TPD52: variants seen among roughly 807,000 people sequenced by gnomAD.
TPD52 encodes the protein prostate and colon associated protein.
TPD52 carries 17 observed loss-of-function variants against 31.3 expected under a neutral mutation model. The observed-to-expected ratio is 0.54, with a 90% CI of 0.37 to 0.82. The LOEUF (loss-of-function observed/expected upper bound fraction) is 0.82. TPD52 is among the 40% of genes least tolerant of loss of function. TPD52 has a pLI of 0.00. For synonymous variants in TPD52, 83 were observed against 89.6 expected (o/e 0.93, Z 0.42); for missense variants, 212 against 240.1 (o/e 0.88, Z 0.77).
At chr8:80,070,932 C>T (rs970525663) in intron 1 of TPD52, among the ~76,000 whole-genome samples, 5 of 152,164 alleles carry the variant, frequency 3.3e-5, no homozygotes, top group Admixed American at 2.6e-4. Flanking sequence ...TTAGTGAACT[C>T]TAATCCAATG....
chr8:80,096,016 G>A (rs1816706011), intron 1 of TPD52, among the ~76,000 whole-genome samples: 1 of 152,138 alleles, frequency 6.6e-6, no homozygotes, highest in African/African-American at 2.4e-5. Flanking sequence ...AACACTTTGG[G>A]AGGCCAAAGC....
chr8:80,114,425 A>AT (rs1275930914), intron 1 of TPD52, among the ~76,000 whole-genome samples: 5 of 151,950 alleles, frequency 3.3e-5, no homozygotes, highest in Admixed American at 2.6e-4. Flanking sequence ...AGAAGCAGGA[A>AT]TTTTTTTTCT....
intron 1 of TPD52, among the ~76,000 whole-genome samples, chr8:80,147,159 CTCTT>C (rs1206782841): frequency 6.6e-6 from 1 of 152,028 alleles, no homozygotes; most frequent in Non-Finnish European, 1.5e-5. Flanking sequence ...CTGCACAACT[CTCTT>C]TATCTACACT....
In TPD52 at chr8:80,037,660, A is replaced by T. The variant is rs992957074; in HGVS notation, c.*456T>A. 6.5e-6 allele frequency: 1 copy of T among 152,676 alleles called. No individual in the cohort carries two copies. Among genetic ancestry groups the T allele is most frequent in the African/African-American group, 2.4e-5 (1 of 41,468 alleles). The allele number at this position is 152,676 out of a possible 1,614,324, so 9.5% of individuals were successfully genotyped here. On this transcript the variant is annotated 3_prime_UTR_variant, in exon 8 of 8. Transcript: ENST00000518937. ...CCTTGGAGGTAAAGAAAATACACCC[A>T]AACTTTTAATTACCAGGATTCAGAA...
At chr8:80,039,404 TCTACA>T (rs1195852288) in intron 7 of TPD52, among the ~76,000 whole-genome samples, 1 of 152,096 alleles carries the variant, frequency 6.6e-6, no homozygotes, top group African/African-American at 2.4e-5. Flanking sequence ...TCCAACTTGT[TCTACA>T]TCCAATCAAT....
At chr8:80,123,418 A>G (rs1248873426) in intron 1 of TPD52, among the ~76,000 whole-genome samples, 1 of 152,188 alleles carries the variant, frequency 6.6e-6, no homozygotes. Flanking sequence ...AAGAAAGAGA[A>G]TGTAGGTTTA....
intron 1 of TPD52, among the ~76,000 whole-genome samples, chr8:80,093,525 G>A (rs1340575988): frequency 6.6e-6 from 1 of 152,158 alleles, no homozygotes; most frequent in African/African-American, 2.4e-5. Flanking sequence ...TTAAGGGAAT[G>A]GGAGTTTCTA....
chr8:80,104,816 T>C (rs1432453237), intron 1 of TPD52, among the ~76,000 whole-genome samples: 1 of 152,090 alleles, frequency 6.6e-6, no homozygotes, highest in Non-Finnish European at 1.5e-5. Flanking sequence ...TCCCAGCATT[T>C]TGGAAGGCCA....
chr8:80,151,960 G>T (rs998813789), intron 1 of TPD52, among the ~76,000 whole-genome samples: 1 of 152,144 alleles, frequency 6.6e-6, no homozygotes, highest in Non-Finnish European at 1.5e-5. Flanking sequence ...TGTTAATTGC[G>T]CTTATGTTGA....
At chr8:80,143,066 T>C (rs1446970568) in intron 1 of TPD52, among the ~76,000 whole-genome samples, 1 of 152,212 alleles carries the variant, frequency 6.6e-6, no homozygotes, top group Non-Finnish European at 1.5e-5. Flanking sequence ...GGTCTGGATC[T>C]TGACTCCACT....
At chr8:80,046,715 G>A (rs1047577949) in intron 5 of TPD52, among the ~76,000 whole-genome samples, 1 of 147,056 alleles carries the variant, frequency 6.8e-6, no homozygotes, top group Non-Finnish European at 1.5e-5. Flanking sequence ...AACTAGGAAT[G>A]CAAACATGGG....
chr8:80,125,825 C>CT (rs1375875813), intron 1 of TPD52, among the ~76,000 whole-genome samples: 1 of 152,180 alleles, frequency 6.6e-6, no homozygotes, highest in African/African-American at 2.4e-5. Flanking sequence ...TTGTCAGTCT[C>CT]TAAGGTAACG....
chr8:80,160,846 C>T (rs1252189626), intron 1 of TPD52, among the ~76,000 whole-genome samples: 1 of 140,044 alleles, frequency 7.1e-6, no homozygotes, highest in Non-Finnish European at 1.5e-5. Context: ...GAGTTCGAGA[C>T]CAGCCTGGGA....
chr8:80,050,268 T>C, intron 5 of TPD52, 177 bp downstream of exon 5: 1 of 469,676 alleles, frequency 2.1e-6, no homozygotes, highest in Non-Finnish European at 3.8e-6. Flanking sequence ...CAACTACCCA[T>C]GGTATACAAG....
intron 1 of TPD52, among the ~76,000 whole-genome samples, chr8:80,108,719 C>A (rs977041067): frequency 8.2e-6 from 1 of 122,480 alleles, no homozygotes; most frequent in Non-Finnish European, 1.8e-5. Context: ...CGAGATCATG[C>A]AGAACAAGAA....
chr8:80,128,095 T>C (rs948511114), intron 1 of TPD52, among the ~76,000 whole-genome samples: 11 of 152,146 alleles, frequency 7.2e-5, no homozygotes, highest in African/African-American at 1.7e-4. Context: ...CGCAGTACTA[T>C]AGACTGTCTT....
At chr8:80,089,529 G>A (rs1019183067) in intron 1 of TPD52, among the ~76,000 whole-genome samples, 3 of 152,134 alleles carry the variant, frequency 2.0e-5, no homozygotes, top group African/African-American at 7.2e-5. Flanking sequence ...GATATAAAAT[G>A]TGGGAAACCC....
intron 1 of TPD52, among the ~76,000 whole-genome samples, chr8:80,121,617 C>T (rs1000911905): frequency 1.3e-5 from 2 of 152,168 alleles, no homozygotes; most frequent in Admixed American, 6.5e-5. Context: ...AATATAATTA[C>T]CTCCCACTAA....
At chr8:80,041,452 T>C (rs1810374873) in intron 7 of TPD52, among the ~76,000 whole-genome samples, 1 of 152,186 alleles carries the variant, frequency 6.6e-6, no homozygotes, top group Admixed American at 6.5e-5. Context: ...AAGATACTAG[T>C]TTTAATCCTT....
Sources: allele counts gnomAD v4.1 joint callset (sites outside exome capture counted in the v4.1 genomes callset), GRCh38; gene constraint gnomAD v4.1.1; transcripts MANE v1.5; gene names NCBI Gene and HGNC (gene_info 2026-07-23, HGNC 2026-07-21).